Variants in ADAMTSL1 observed in about 807,000 individuals in gnomAD.
ADAMTSL1 encodes ADAMTS-like protein 1.
ADAMTSL1 carries 126 observed loss-of-function variants against 201.8 expected under a neutral mutation model. That is an observed-to-expected ratio of 0.62 (90% CI 0.54 to 0.72). The LOEUF (loss-of-function observed/expected upper bound fraction) is 0.72. ADAMTSL1 is among the 30% of genes least tolerant of loss of function. ADAMTSL1 has a pLI of 0.00. For synonymous variants in ADAMTSL1, 1,121 were observed against 903.4 expected (o/e 1.24, Z -4.32); for missense variants, 2,679 against 2,277.8 (o/e 1.18, Z -3.59).
chr9:18,500,187 G>A (rs1421164256), intron 1 of ADAMTSL1, among the ~76,000 whole-genome samples: 1 of 152,186 alleles, frequency 6.6e-6, no homozygotes, highest in Non-Finnish European at 1.5e-5. Context: ...TAGCTGTCAG[G>A]CTTGGAGCTG....
At chr9:18,711,018 A>G (rs1257950325) in intron 14 of ADAMTSL1, among the ~76,000 whole-genome samples, 5 of 152,208 alleles carry the variant, frequency 3.3e-5, no homozygotes, top group Admixed American at 3.3e-4. Flanking sequence ...AAACCTGTAT[A>G]TTTAGTATTG....
chr9:18,156,569 C>G (rs757754722), intron 1 of ADAMTSL1, among the ~76,000 whole-genome samples: 26 of 151,960 alleles, frequency 1.7e-4, no homozygotes, highest in Admixed American at 3.9e-4. Context: ...CTGTTCAACT[C>G]TCTGTTTTAA....
chr9:18,796,904 T>C (rs574893475), intron 20 of ADAMTSL1: 5 of 152,260 alleles, frequency 3.3e-5, no homozygotes, highest in African/African-American at 9.6e-5. Flanking sequence ...TGCTGGCAGA[T>C]AGTGGCTCTT....
intron 8 of ADAMTSL1, among the ~76,000 whole-genome samples, chr9:18,661,400 A>G (rs1210415403): frequency 1.3e-5 from 2 of 152,070 alleles, no homozygotes; most frequent in Non-Finnish European, 2.9e-5. Context: ...TACTCAACCC[A>G]CTCAGGTTGA....
intron 1 of ADAMTSL1, among the ~76,000 whole-genome samples, chr9:18,142,495 C>G (rs1018326322): frequency 3.9e-5 from 6 of 152,348 alleles, no homozygotes; most frequent in Admixed American, 3.9e-4. Flanking sequence ...AGGGCACCCC[C>G]TCACCTAATT....
chr9:18,105,517 A>G (rs956866905), intron 1 of ADAMTSL1, among the ~76,000 whole-genome samples: 4 of 152,130 alleles, frequency 2.6e-5, no homozygotes, highest in African/African-American at 9.7e-5. Flanking sequence ...ATAAGATACC[A>G]TCTTCTTAAT....
chr9:18,583,504 A>C (rs922663533), intron 4 of ADAMTSL1, among the ~76,000 whole-genome samples: 1 of 152,200 alleles, frequency 6.6e-6, no homozygotes, highest in African/African-American at 2.4e-5. Context: ...GCAGTGCAGA[A>C]GGGAAATGTG....
chr9:18,653,316 C>T (rs1381112122), intron 7 of ADAMTSL1, among the ~76,000 whole-genome samples: 1 of 152,196 alleles, frequency 6.6e-6, no homozygotes, highest in African/African-American at 2.4e-5. Flanking sequence ...ACCACTGGGA[C>T]AATCCTTCAG....
rs1300927019 is a variant in ADAMTSL1, at chr9:18,439,038, A to G, written c.208-65791A>G. ...CTTTCCTTTTATTTTCAAAGTATCC[A>G]TATTGGTTTCCTGCAAAATTCCTTT... On this transcript the variant is annotated intron_variant, in intron 2 of 29. Coordinates refer to the ADAMTSL1 transcript ENST00000680146. 2.0e-5 allele frequency among the ~76,000 whole-genome samples: 3 copies of G among 149,220 alleles called. 1 individual carries two copies. Among genetic ancestry groups the G allele is most frequent in the South Asian group, 4.3e-4 (2 of 4,682 alleles).
chr9:18,190,708 A>G (rs749054843), intron 2 of ADAMTSL1, among the ~76,000 whole-genome samples: 2 of 152,198 alleles, frequency 1.3e-5, no homozygotes, highest in Admixed American at 6.5e-5. Flanking sequence ...TAATTATTGC[A>G]TATTAATTTT....
intron 2 of ADAMTSL1, among the ~76,000 whole-genome samples, chr9:18,340,689 T>G (rs1835433208): frequency 6.6e-6 from 1 of 152,166 alleles, no homozygotes; most frequent in South Asian, 2.1e-4. Flanking sequence ...TGAATAAGTC[T>G]CATGAGATCT....
At chr9:18,875,230 TA>T (rs1828078822) in intron 23 of ADAMTSL1, among the ~76,000 whole-genome samples, 2 of 152,078 alleles carry the variant, frequency 1.3e-5, no homozygotes, top group Admixed American at 6.5e-5. Context: ...TTCATTTATC[TA>T]TTTTTTGTTT....
intron 2 of ADAMTSL1, among the ~76,000 whole-genome samples, chr9:18,515,561 G>A (rs191785875): frequency 4.7e-4 from 72 of 152,150 alleles, no homozygotes; most frequent in African/African-American, 1.3e-3. Flanking sequence ...TGTCTCCCTC[G>A]TGAGCTCAAG....
At chr9:18,764,028 G>A (rs1820225551) in intron 16 of ADAMTSL1, among the ~76,000 whole-genome samples, 1 of 152,130 alleles carries the variant, frequency 6.6e-6, no homozygotes, top group Non-Finnish European at 1.5e-5. Flanking sequence ...CTATTTCTGT[G>A]AAGAATGCTT....
intron 1 of ADAMTSL1, among the ~76,000 whole-genome samples, chr9:18,149,638 T>C (rs1034911174): frequency 5.9e-5 from 9 of 151,960 alleles, no homozygotes; most frequent in Non-Finnish European, 1.2e-4. Context: ...TACATCAAAA[T>C]CTGAGAAACA....
rs533048050 is a variant in ADAMTSL1, at chr9:18,751,198, TA to T, written c.2007-2095del. On this transcript the variant is annotated intron_variant, in intron 15 of 28. Coordinates refer to ENST00000380548, the MANE Select transcript of ADAMTSL1 (RefSeq NM_001040272.6). The stretch of plus-strand genomic sequence containing the variant: ...TTATAATTAACTCAATCTAAGGGTT[TA>T]AAAATAAGAGAAGTTTATAGAAATT... Among the ~76,000 whole-genome samples, 45 of 152,350 alleles carry T rather than the reference TA, an allele frequency of 3.0e-4. 1 individual carries two copies. The highest frequency in any genetic ancestry group is 8.4e-4 in the African/African-American group (35 of 41,578).
At chr9:18,456,309 A>T (rs1026354091) in intron 2 of ADAMTSL1, among the ~76,000 whole-genome samples, 1 of 152,192 alleles carries the variant, frequency 6.6e-6, no homozygotes, top group African/African-American at 2.4e-5. Context: ...TGAATAACCA[A>T]TCAGTTGAGT....
At chr9:18,314,073 T>C (rs1834263638) in intron 2 of ADAMTSL1, among the ~76,000 whole-genome samples, 1 of 152,148 alleles carries the variant, frequency 6.6e-6, no homozygotes, top group Non-Finnish European at 1.5e-5. Context: ...AACAGGTATG[T>C]GAGAAGATGC....
At chr9:18,012,948 C>G (rs373788445) in intron 1 of ADAMTSL1, among the ~76,000 whole-genome samples, 1 of 151,802 alleles carries the variant, frequency 6.6e-6, no homozygotes, top group African/African-American at 2.4e-5. Flanking sequence ...CAAGATAGTT[C>G]TCTTTATTTT....
Sources: gnomAD v4.1 joint callset for allele counts (sites outside exome capture counted in the v4.1 genomes callset) on GRCh38, gnomAD v4.1.1 for gene constraint, MANE v1.5 for transcripts, NCBI Gene and HGNC (gene_info 2026-07-23, HGNC 2026-07-21) for gene names.